TM7SF3: variants seen among roughly 807,000 people sequenced by gnomAD.
TM7SF3 encodes transmembrane 7 superfamily member 3, also known as seven span transmembrane protein.
A neutral mutation model predicts 65.5 loss-of-function variants in TM7SF3; 60 were observed. The observed-to-expected ratio is 0.92, with a 90% CI of 0.74 to 1.14. TM7SF3 has a LOEUF of 1.14. TM7SF3 is among the 50% of genes most tolerant of loss of function. TM7SF3 has a pLI of 0.00. For synonymous variants in TM7SF3, 264 were observed against 259.6 expected (o/e 1.02, Z -0.16); for missense variants, 623 against 684.8 (o/e 0.91, Z 1.01).
rs759631704 is a variant in TM7SF3 at position 26,995,324 on chromosome 12, C to A, written c.603G>T (p.Leu201=). ...RLQYDVYQYF[L]PENDLTEEML... ...TCTCCTCAGTGAGGTCATTCTCAGG[C>A]AGAAAATACTGATAGACATCATACT... Residue 201 remains leucine, a synonymous_variant, in exon 5 of 12, where the codon CTG becomes CTT. Coordinates refer to ENST00000343028, the MANE Select transcript of TM7SF3 (RefSeq NM_016551.3). 1 of 1,614,154 alleles carries A rather than the reference C, an allele frequency of 6.2e-7. No individual in the cohort carries two copies. Among genetic ancestry groups the A allele is most frequent in the Non-Finnish European group, 8.5e-7 (1 of 1,180,022 alleles).
At chr12:27,012,329 A>C (rs1005340846) in intron 1 of TM7SF3, among the ~76,000 whole-genome samples, 4 of 152,088 alleles carry the variant, frequency 2.6e-5, no homozygotes, top group South Asian at 2.1e-4. Context: ...CACTATACAG[A>C]GTGAATGTTA....
At chr12:26,975,387 T>C in intron 11 of TM7SF3, 109 bp downstream of exon 11, 1 of 1,102,728 alleles carries the variant, frequency 9.1e-7, no homozygotes, top group South Asian at 1.5e-5. Flanking sequence ...TCCCTCCTTT[T>C]GTCCCAGTTG....
At chr12:26,994,916 T>C (rs1286364770) in intron 5 of TM7SF3, among the ~76,000 whole-genome samples, 2 of 152,240 alleles carry the variant, frequency 1.3e-5, no homozygotes, top group African/African-American at 4.8e-5. Context: ...GTAATCTTCA[T>C]ACTTGCCAAA....
intron 2 of TM7SF3, among the ~76,000 whole-genome samples, chr12:27,001,916 T>TTC (rs1940845248): frequency 2.0e-5 from 3 of 152,206 alleles, no homozygotes; most frequent in South Asian, 2.1e-4. Context: ...GCAAAGAACT[T>TTC]GGGCAAATTC....
At chr12:26,991,692 C>T (rs891745922) in intron 5 of TM7SF3, among the ~76,000 whole-genome samples, 1 of 152,082 alleles carries the variant, frequency 6.6e-6, no homozygotes, top group Non-Finnish European at 1.5e-5. Context: ...TAATATTACT[C>T]CCAAGTTACA....
Position 26,995,365 on chromosome 12 carries a change from A to T in TM7SF3, c.562T>A (p.Ser188Thr). Residue 188 changes from serine to threonine, a missense_variant, in exon 5 of 12, where the codon TCC (serine) becomes ACC (threonine). Physicochemically the swap from Ser to Thr is moderately conservative, Grantham distance 58. Transcript: ENST00000343028. ...ACATCATACTGCAACCTCCACCTGG[A>T]GTCCTGGTCTGTCCCAGCGTCACAT... ...PPCDAGTDQD[S>T]RWRLQYDVYQ... The T allele has an allele frequency of 6.2e-7, 1 of 1,614,184 alleles. No individual in the cohort carries two copies. Among genetic ancestry groups the T allele is most frequent in the Non-Finnish European group, 8.5e-7 (1 of 1,180,040 alleles).
At chr12:27,008,269 C>T (rs7977991) in intron 1 of TM7SF3, among the ~76,000 whole-genome samples, 19,068 of 152,074 alleles carry the variant, frequency 0.13, 1,683 homozygotes, top group Admixed American at 0.26. Flanking sequence ...GATTTTAATT[C>T]GCACTTCCCT....
At chr12:26,981,787 G>A (rs1025591593) in intron 7 of TM7SF3, among the ~76,000 whole-genome samples, 4 of 152,006 alleles carry the variant, frequency 2.6e-5, no homozygotes, top group South Asian at 2.1e-4. Flanking sequence ...TTTAATAATC[G>A]AAAACATCAC....
chr12:26,998,128 C>T (rs575393439), intron 3 of TM7SF3, among the ~76,000 whole-genome samples: 3 of 152,232 alleles, frequency 2.0e-5, no homozygotes, highest in Admixed American at 6.5e-5. Flanking sequence ...CCACCGTGCC[C>T]GGCCTGCTCC....
chr12:26,997,024 AGAGGGTAGAGTTAACT>A (rs1438189758), intron 3 of TM7SF3, among the ~76,000 whole-genome samples, 162 bp from the exon 4 acceptor site: 1 of 152,228 alleles, frequency 6.6e-6, no homozygotes, highest in Non-Finnish European at 1.5e-5. Flanking sequence ...CTGAGGTTAA[AGAGGGTAGAGTTAACT>A]GAGGTTCAGG....
chr12:26,974,598 G>A (rs894064369), intron 11 of TM7SF3, among the ~76,000 whole-genome samples: 5 of 152,148 alleles, frequency 3.3e-5, no homozygotes, highest in African/African-American at 1.2e-4. Context: ...TGTACATCAT[G>A]GAACATCAGA....
Position 26,974,136 on chromosome 12 carries a change from G to A in TM7SF3, c.1542C>T (p.Pro514=). The change falls in exon 12 of 12, where the codon CCC becomes CCT. Residue 514 remains proline, a synonymous_variant. Transcript: ENST00000343028. ...CTTGCTTCCATAACTTGTATGGGTG[G>A]GGAGGGAAGAACGGTCGTCCTCTCT... ...RRERGRPFFP[P]HPYKLWKQER... 1.2e-6 allele frequency: 2 copies of A among 1,614,150 alleles called. No homozygotes were observed. Among genetic ancestry groups the A allele is most frequent in the African/African-American group, 1.3e-5 (1 of 75,024 alleles).
rs35362439 is a variant in TM7SF3 at position 26,991,141 on chromosome 12, CTTTTTTTT to C, written c.691-522_691-515del. Among the ~76,000 whole-genome samples, 126 of 107,484 alleles carry C rather than the reference CTTTTTTTT, an allele frequency of 1.2e-3. 1 individual carries two copies. Among genetic ancestry groups the C allele is most frequent in the African/African-American group, 4.2e-3 (124 of 29,426 alleles). The allele number at this position is 107,484 out of a possible 152,430, so 70.5% of individuals were successfully genotyped here. A position where few individuals can be genotyped will look rare whatever the true frequency, so the allele number is the denominator to read the frequency against. ...GAGGTTTTGTTATGTAGTAGTAGTTCTTTTTTTTTTTTTTTTTTTTTTGAGACGGAGTC... is the reference window on the plus strand; with the variant it reads ...GAGGTTTTGTTATGTAGTAGTAGTTCTTTTTTTTTTTTTTGAGACGGAGTC... On this transcript the variant is annotated intron_variant, in intron 5 of 11. Coordinates refer to ENST00000343028, the MANE Select transcript of TM7SF3 (RefSeq NM_016551.3).
chr12:26,985,806 G>GTTTTTTTTCTTTTTTTTTTTTT (rs1940054078), intron 6 of TM7SF3, among the ~76,000 whole-genome samples: 1 of 52,818 alleles, frequency 1.9e-5, no homozygotes, highest in Admixed American at 3.5e-4. Context: ...TTTCTTTTTC[G>GTTTTTTTTCTTTTTTTTTTTTT]TTTTTTTTTT....
At chr12:27,002,314 A>G (rs150250334) in intron 2 of TM7SF3, among the ~76,000 whole-genome samples, 1 of 151,968 alleles carries the variant, frequency 6.6e-6, no homozygotes, top group Non-Finnish European at 1.5e-5. Context: ...AAAAAATGTT[A>G]AAAATTAGCC....
At position 26,971,764 on chromosome 12, in the gene TM7SF3, A is replaced by T. The variant is rs1448768283; in HGVS notation, c.*2201T>A. 6.6e-6 allele frequency: 1 copy of T among 152,228 alleles called. No homozygotes were observed. Among genetic ancestry groups the T allele is most frequent in the Non-Finnish European group, 1.5e-5 (1 of 68,044 alleles). The allele number at this position is 152,228 out of a possible 1,614,324, so 9.4% of individuals were successfully genotyped here. ...ACATTCCATATAACTTTGTCCCTACAGTAAATAATTTTTTAAAACTTTTCA... is the reference window on the plus strand; with the variant it reads ...ACATTCCATATAACTTTGTCCCTACTGTAAATAATTTTTTAAAACTTTTCA... On this transcript the variant is annotated 3_prime_UTR_variant, in exon 12 of 12. Coordinates refer to ENST00000343028, the MANE Select transcript of TM7SF3 (RefSeq NM_016551.3).
intron 6 of TM7SF3, chr12:26,983,693 G>T (rs56054487): frequency 0.12 from 42,724 of 359,200 alleles, 2,823 homozygotes; most frequent in South Asian, 0.14. Flanking sequence ...AATTTAAACC[G>T]AAACTCACAA....
At chr12:26,997,675 TTTA>T (rs1327057816) in intron 3 of TM7SF3, among the ~76,000 whole-genome samples, 20 of 152,238 alleles carry the variant, frequency 1.3e-4, no homozygotes, top group African/African-American at 4.6e-4. Context: ...GTAGTCTAAA[TTTA>T]TTCACCTCAC....
intron 5 of TM7SF3, among the ~76,000 whole-genome samples, chr12:26,994,895 C>A (rs752637647): frequency 5.9e-5 from 9 of 152,092 alleles, no homozygotes; most frequent in Non-Finnish European, 1.3e-4. Context: ...TTATTTTTTT[C>A]TCAAAACAAT....
Sources: allele counts gnomAD v4.1 joint callset (sites outside exome capture counted in the v4.1 genomes callset), GRCh38; gene constraint gnomAD v4.1.1; transcripts MANE v1.5; gene names NCBI Gene and HGNC (gene_info 2026-07-23, HGNC 2026-07-21).